Variants in SLC26A9 observed in about 807,000 individuals in gnomAD.
The protein encoded by SLC26A9 is solute carrier family 26 member 9.
SLC26A9 carries 46 observed loss-of-function variants against 87.1 expected under a neutral mutation model. The ratio of observed to expected loss-of-function variants is 0.53; its 90% CI spans 0.42 to 0.67. SLC26A9 has a LOEUF of 0.67. SLC26A9 is among the 30% of genes least tolerant of loss of function. The pLI is 0.00. For synonymous variants in SLC26A9, 437 were observed against 409.1 expected (o/e 1.07, Z -0.82); for missense variants, 927 against 1,018.3 (o/e 0.91, Z 1.22).
intron 19 of SLC26A9, among the ~76,000 whole-genome samples, chr1:205,918,372 C>G (rs140069849): frequency 6.6e-6 from 1 of 152,144 alleles, no homozygotes; most frequent in East Asian, 1.9e-4. Flanking sequence ...AAACTCAGAC[C>G]CAATCTCTTT....
chr1:205,933,209 C>T, intron 2 of SLC26A9, 125 bp from the exon 3 acceptor site: 1 of 1,380,200 alleles, frequency 7.2e-7, no homozygotes, highest in Non-Finnish European at 9.9e-7. Flanking sequence ...GAACTGTGTG[C>T]CAGGGATATT....
chr1:205,923,432 G>A lies in SLC26A9; in HGVS notation c.1567-5C>T, dbSNP rs1422393481. 1 of 1,614,148 alleles carries A rather than the reference G, an allele frequency of 6.2e-7. No homozygotes were observed. Among genetic ancestry groups the A allele is most frequent in the South Asian group, 1.1e-5 (1 of 91,072 alleles). On this transcript the variant is annotated splice_region_variant and splice_polypyrimidine_tract_variant and intron_variant, in intron 14 of 20. Transcript: ENST00000367135. ...AATCCCCTGGATATCCTGGGCCTGT[G>A]ACAGGGAGACTGAGCTCAAGTTGCA...
At chr1:205,924,735 CAGGGAGGTGG>C in intron 12 of SLC26A9, 1 of 466,942 alleles carries the variant, frequency 2.1e-6, no homozygotes, top group Non-Finnish European at 3.9e-6. Context: ...CCCCAGCACA[CAGGGAGGTGG>C]CATCTATAAG....
chr1:205,920,252 G>T (rs745733673), intron 17 of SLC26A9, 22 bp from the exon 18 acceptor site: 2 of 1,613,790 alleles, frequency 1.2e-6, no homozygotes, highest in South Asian at 2.2e-5. Context: ...GTTGGGGTAG[G>T]GAGGCAAAAG....
intron 18 of SLC26A9, among the ~76,000 whole-genome samples, chr1:205,919,596 G>C (rs1389522144): frequency 6.6e-6 from 1 of 152,156 alleles, no homozygotes; most frequent in Non-Finnish European, 1.5e-5. Context: ...ATTCTCCTGT[G>C]TGTCTGTGTG....
intron 16 of SLC26A9, among the ~76,000 whole-genome samples, chr1:205,922,440 C>A (rs372572605): frequency 2.0e-5 from 3 of 152,300 alleles, no homozygotes; most frequent in African/African-American, 7.2e-5. Context: ...CCATGGCCAC[C>A]CCAGCCTTGC....
At position 205,929,375 on chromosome 1, in the gene SLC26A9, T is replaced by C; in HGVS notation, c.718-19A>G. 1 of 1,612,104 alleles carries C rather than the reference T, an allele frequency of 6.2e-7. No individual in the cohort carries two copies. The highest frequency in any genetic ancestry group is 1.1e-5 in the South Asian group (1 of 90,890). Reference sequence around the variant, plus strand: ...TGAAGGTCTGGGGGAAAGAGCATCATGCTCACAGGCTCCCACCCCTTCTTC... The same window carrying C: ...TGAAGGTCTGGGGGAAAGAGCATCACGCTCACAGGCTCCCACCCCTTCTTC... On this transcript the variant is annotated intron_variant, in intron 6 of 20. Transcript: ENST00000367135.
chr1:205,923,772 C>T (rs1305708282), intron 13 of SLC26A9, among the ~76,000 whole-genome samples, 159 bp from the exon 14 acceptor site: 2 of 152,174 alleles, frequency 1.3e-5, no homozygotes, highest in East Asian at 1.9e-4. Flanking sequence ...AGACACATGT[C>T]TGGTGGCCTG....
Position 205,918,827 on chromosome 1 carries a change from G to A in SLC26A9, c.2256+13C>T. 4 of 1,608,562 alleles carry A rather than the reference G, an allele frequency of 2.5e-6. No individual in the cohort carries two copies. Among genetic ancestry groups the A allele is most frequent in the Non-Finnish European group, 3.4e-6 (4 of 1,175,382 alleles). ...CCTTGGAGCCTAGGATTCCCCAGGTGCAAGAACCTTACCCCTTGGAAGTTG... is the reference window on the plus strand; with the variant it reads ...CCTTGGAGCCTAGGATTCCCCAGGTACAAGAACCTTACCCCTTGGAAGTTG... On this transcript the variant is annotated intron_variant, in intron 19 of 20. Coordinates refer to ENST00000367135, the MANE Select transcript of SLC26A9 (RefSeq NM_052934.4).
chr1:205,916,788 A>G (rs6593973), intron 20 of SLC26A9, among the ~76,000 whole-genome samples: 131,163 of 151,778 alleles, frequency 0.86, 56,722 homozygotes, highest in South Asian at 0.93. Flanking sequence ...TCCCCACGAT[A>G]ACTTTCAGGG....
intron 1 of SLC26A9, among the ~76,000 whole-genome samples, chr1:205,943,025 G>C (rs572018782): frequency 1.3e-5 from 2 of 152,324 alleles, no homozygotes; most frequent in East Asian, 1.9e-4. Context: ...AGCTTCAAAG[G>C]CTGTCGCGGA....
At chr1:205,942,008 A>G (rs1659764078) in intron 1 of SLC26A9, among the ~76,000 whole-genome samples, 1 of 152,136 alleles carries the variant, frequency 6.6e-6, no homozygotes, top group South Asian at 2.1e-4. Flanking sequence ...TCCATCTTCC[A>G]AGTAGTGACC....
chr1:205,931,121 C>T (rs1036341209), intron 5 of SLC26A9, among the ~76,000 whole-genome samples: 2 of 152,202 alleles, frequency 1.3e-5, no homozygotes, highest in African/African-American at 2.4e-5. Flanking sequence ...TTGTGCTTCC[C>T]TTCATAAAAC....
Position 205,932,975 on chromosome 1 carries a change from G to T in SLC26A9, c.235C>A (p.Leu79Ile). ...GGGACCTGGATGGATCCCCCGCTGA[G>T]TCCACCGAGCAGGTCAGGAATGATG... ...DYIIPDLLGG[L>I]SGGSIQVPQG... is the part of the protein sequence containing the mutation. Residue 79 changes from leucine to isoleucine, a missense_variant, in exon 3 of 21, where the codon CTC becomes ATC. Coordinates refer to ENST00000367135, the MANE Select transcript of SLC26A9 (RefSeq NM_052934.4). The T allele has an allele frequency of 6.2e-7, 1 of 1,614,140 alleles. No homozygotes were observed.
At chr1:205,937,275 C>A (rs755639652) in intron 1 of SLC26A9, among the ~76,000 whole-genome samples, 2 of 152,108 alleles carry the variant, frequency 1.3e-5, no homozygotes, top group Non-Finnish European at 2.9e-5. Context: ...ATGAACCTAC[C>A]CCCAGCGCCT....
chr1:205,916,672 A>T (rs1658602847), intron 20 of SLC26A9, among the ~76,000 whole-genome samples: 1 of 152,190 alleles, frequency 6.6e-6, no homozygotes. Flanking sequence ...GATGATAAAA[A>T]CTAGGGCCCA....
At chr1:205,919,261 C>T (rs1658723139) in intron 18 of SLC26A9, among the ~76,000 whole-genome samples, 2 of 152,168 alleles carry the variant, frequency 1.3e-5, no homozygotes, top group African/African-American at 4.8e-5. Context: ...AAAGCCTAAG[C>T]CATCCTTGAA....
intron 1 of SLC26A9, among the ~76,000 whole-genome samples, chr1:205,939,849 T>C (rs531043696): frequency 1.3e-5 from 2 of 152,192 alleles, no homozygotes; most frequent in Admixed American, 1.3e-4. Context: ...CCATGATAAG[T>C]GATGTCAGCA....
intron 19 of SLC26A9, 97 bp downstream of exon 19, chr1:205,918,743 A>G (rs1658698427): frequency 2.1e-6 from 3 of 1,443,620 alleles, no homozygotes; most frequent in South Asian, 3.1e-5. Flanking sequence ...TTGATATTGG[A>G]ACTTAAACCT....
Sources: allele counts gnomAD v4.1 joint callset (sites outside exome capture counted in the v4.1 genomes callset), GRCh38; gene constraint gnomAD v4.1.1; transcripts MANE v1.5; gene names NCBI Gene and HGNC (gene_info 2026-07-23, HGNC 2026-07-21).